The following ASCC3 variants were observed in gnomAD, a reference collection of about 807,000 sequenced individuals.
ASCC3 encodes the protein ASC-1 complex subunit P200.
In ASCC3, 158 loss-of-function variants were observed where a neutral mutation model predicts 256.3. That is an observed-to-expected ratio of 0.62 (90% CI 0.54 to 0.70). ASCC3 has a LOEUF of 0.70. ASCC3 is among the 30% of genes least tolerant of loss of function. ASCC3 has a pLI of 0.00. For missense variants in ASCC3, 2,259 were observed against 2,626.0 expected, an observed-to-expected ratio of 0.86 and a Z score of 3.05; for synonymous variants, 948 against 883.4, an observed-to-expected ratio of 1.07 and a Z score of -1.30.
At chr6:100,597,931 G>C (rs371509340) in intron 34 of ASCC3, among the ~76,000 whole-genome samples, 1 of 143,250 alleles carries the variant, frequency 7.0e-6, no homozygotes, top group Admixed American at 7.4e-5. Flanking sequence ...CCGAGATAGC[G>C]CCACTGCACT....
In ASCC3 at chr6:100,625,122, A is replaced by C. The variant is rs138356652; in HGVS notation, c.4785+70T>G. The C allele has an allele frequency of 1.2e-4, 182 of 1,554,488 alleles. 1 individual carries two copies. The East Asian group carries it at 2.6e-3, about 22-fold the overall frequency. On this transcript the variant is annotated intron_variant, in intron 30 of 41. Coordinates refer to ENST00000369162, the MANE Select transcript of ASCC3 (RefSeq NM_006828.4). ...TTCTTTCCCTATAATACAATTACATATGTAATGATCATTCTAATATAATAC... is the reference window on the plus strand; with the variant it reads ...TTCTTTCCCTATAATACAATTACATCTGTAATGATCATTCTAATATAATAC...
intron 36 of ASCC3, among the ~76,000 whole-genome samples, chr6:100,549,363 C>T (rs1769177857): frequency 6.6e-6 from 1 of 151,926 alleles, no homozygotes; most frequent in African/African-American, 2.4e-5. Flanking sequence ...GTTTTGAATA[C>T]TGTCTTCACT....
intron 25 of ASCC3, among the ~76,000 whole-genome samples, chr6:100,636,363 A>G (rs1476941007): frequency 6.6e-6 from 1 of 152,152 alleles, no homozygotes; most frequent in Non-Finnish European, 1.5e-5. Flanking sequence ...GAACTACACC[A>G]TATAAGATGA....
chr6:100,567,298 A>T (rs988607734), intron 36 of ASCC3, among the ~76,000 whole-genome samples: 1 of 151,806 alleles, frequency 6.6e-6, no homozygotes, highest in South Asian at 2.1e-4. Flanking sequence ...TTGTACCTTA[A>T]TTTTTTTTCC....
Position 100,606,365 on chromosome 6 carries a change from A to G in ASCC3, c.5044+375T>C, listed in dbSNP as rs894877212. 3.3e-5 allele frequency among the ~76,000 whole-genome samples: 5 copies of G among 152,254 alleles called. No homozygotes were observed. The South Asian group carries it at 1.0e-3, about 32-fold the overall frequency. On this transcript the variant is annotated intron_variant, in intron 32 of 41. Coordinates refer to ENST00000369162, the MANE Select transcript of ASCC3 (RefSeq NM_006828.4). ...TTGGTTCTGGAAATCCCATGGAGGT[A>G]TCATTTCTAGTGAAACACATTTAAA...
At chr6:100,556,722 G>A (rs967004010) in intron 36 of ASCC3, among the ~76,000 whole-genome samples, 1 of 152,072 alleles carries the variant, frequency 6.6e-6, no homozygotes, top group Non-Finnish European at 1.5e-5. Context: ...ACTGTGTTGG[G>A]TACATTAAGT....
In ASCC3 at chr6:100,661,800, T is replaced by C. The variant is rs752723807; in HGVS notation, c.2703+6A>G. On this transcript the variant is annotated splice_donor_region_variant and intron_variant, in intron 16 of 41. Transcript: ENST00000369162. ...CTATTCCAAACTTTTACTCATTAGA[T>C]CTTACCTCTGCATTTAGGTTATCTG... 1.9e-5 allele frequency: 30 copies of C among 1,612,058 alleles called. No homozygotes were observed. The highest frequency in any genetic ancestry group is 2.5e-5 in the Non-Finnish European group (30 of 1,178,374).
intron 22 of ASCC3, among the ~76,000 whole-genome samples, chr6:100,644,864 A>C (rs1373475574): frequency 6.6e-6 from 1 of 152,196 alleles, no homozygotes; most frequent in Non-Finnish European, 1.5e-5. Flanking sequence ...GCTCTGTTTA[A>C]TGCAAACAAA....
At chr6:100,858,907 G>C in intron 3 of ASCC3, 1 of 542,138 alleles carries the variant, frequency 1.8e-6, no homozygotes, top group Non-Finnish European at 3.3e-6. Flanking sequence ...ATTACATTTT[G>C]ATTATTATAT....
At chr6:100,610,612 G>A (rs1441297041) in intron 30 of ASCC3, among the ~76,000 whole-genome samples, 1 of 152,012 alleles carries the variant, frequency 6.6e-6, no homozygotes, top group Non-Finnish European at 1.5e-5. Context: ...TCACTGAACT[G>A]AATACAATGT....
At chr6:100,850,832 AT>A (rs1305408463) in intron 3 of ASCC3, among the ~76,000 whole-genome samples, 1 of 152,134 alleles carries the variant, frequency 6.6e-6, no homozygotes, top group African/African-American at 2.4e-5. Flanking sequence ...CATTCTATAC[AT>A]TTTACTTATA....
At chr6:100,585,474 C>T (rs1044627857) in intron 36 of ASCC3, among the ~76,000 whole-genome samples, 2 of 152,166 alleles carry the variant, frequency 1.3e-5, no homozygotes, top group African/African-American at 2.4e-5. Context: ...TCTAGTTATA[C>T]ATTCGTCTAA....
At chr6:100,573,342 T>C (rs1259980207) in intron 36 of ASCC3, among the ~76,000 whole-genome samples, 2 of 152,118 alleles carry the variant, frequency 1.3e-5, no homozygotes, top group Admixed American at 6.6e-5. Context: ...ATCACCATTA[T>C]TCATGGAGGA....
chr6:100,730,067 G>A (rs1779827867), intron 10 of ASCC3, among the ~76,000 whole-genome samples: 1 of 152,048 alleles, frequency 6.6e-6, no homozygotes, highest in African/African-American at 2.4e-5. Flanking sequence ...CACTTTGGGA[G>A]GCCAAAGTGG....
intron 20 of ASCC3, among the ~76,000 whole-genome samples, chr6:100,649,403 T>C (rs999357128): frequency 6.6e-6 from 1 of 151,488 alleles, no homozygotes; most frequent in African/African-American, 2.4e-5. Context: ...GAAAAACAGA[T>C]AAAACAAAGG....
At chr6:100,747,354 A>C (rs2115085300) in intron 10 of ASCC3, among the ~76,000 whole-genome samples, 1 of 152,200 alleles carries the variant, frequency 6.6e-6, no homozygotes, top group South Asian at 2.1e-4. Context: ...TCTCAAAAAA[A>C]CATCTACTGT....
chr6:100,751,554 C>T (rs1780940073), intron 10 of ASCC3, among the ~76,000 whole-genome samples: 1 of 151,694 alleles, frequency 6.6e-6, no homozygotes, highest in African/African-American at 2.4e-5. Flanking sequence ...CATAATTGTA[C>T]ATCCAATAAA....
intron 10 of ASCC3, among the ~76,000 whole-genome samples, chr6:100,746,611 AC>A (rs1022356111): frequency 3.3e-5 from 5 of 152,218 alleles, no homozygotes; most frequent in South Asian, 4.1e-4. Context: ...CACTATTTGC[AC>A]TTTTATAACA....
chr6:100,788,990 G>C (rs547677402), intron 8 of ASCC3, among the ~76,000 whole-genome samples: 3 of 151,722 alleles, frequency 2.0e-5, no homozygotes, highest in African/African-American at 7.3e-5. Context: ...ACCCCCAAAA[G>C]GGTGTATTTT....
Sources: allele counts gnomAD v4.1 joint callset (sites outside exome capture counted in the v4.1 genomes callset), GRCh38; gene constraint gnomAD v4.1.1; transcripts MANE v1.5; gene names NCBI Gene and HGNC (gene_info 2026-07-23, HGNC 2026-07-21).